Variants in ARK2N observed in about 807,000 individuals in gnomAD.
ARK2N encodes the protein protein ARK2N.
At chr18:46,175,938 A>G in the ARK2N span, among the ~76,000 whole-genome samples, 1 of 152,158 alleles carries the variant, frequency 6.6e-6, no homozygotes, top group Non-Finnish European at 1.5e-5. Context: ...TATTCACTTT[A>G]TATTTAACAT....
the ARK2N span, among the ~76,000 whole-genome samples, chr18:46,201,774 CTTTTCT>C: frequency 7.1e-6 from 1 of 140,326 alleles, no homozygotes; most frequent in African/African-American, 2.7e-5. Context: ...CTTTTCTTTT[CTTTTCT>C]TTTTTTTTTT....
the ARK2N span, among the ~76,000 whole-genome samples, chr18:46,189,343 T>C: frequency 2.0e-5 from 3 of 152,170 alleles, no homozygotes; most frequent in East Asian, 5.8e-4. Flanking sequence ...GATGTGCTTT[T>C]ATTTACACAA....
At chr18:46,245,539 C>G in the ARK2N span, among the ~76,000 whole-genome samples, 2 of 149,434 alleles carry the variant, frequency 1.3e-5, no homozygotes, top group African/African-American at 4.9e-5. Flanking sequence ...CCACCTCTCT[C>G]CAGCCTGGGT....
At chr18:46,216,260 A>G in the ARK2N span, 1 of 1,613,600 alleles carries the variant, frequency 6.2e-7, no homozygotes. This position sits in a 1 kb window ranked among gnomAD's most constrained non-coding sequence, Gnocchi z 4.3. Flanking sequence ...GTAGAAGGAG[A>G]CCCTTCAGGA....
At chr18:46,178,309 T>G in the ARK2N span, among the ~76,000 whole-genome samples, 1 of 152,186 alleles carries the variant, frequency 6.6e-6, no homozygotes, top group Admixed American at 6.5e-5. Context: ...ATTCCTTTTA[T>G]TTTTATTTAT....
chr18:46,205,151 G>A, the ARK2N span, among the ~76,000 whole-genome samples: 1 of 151,904 alleles, frequency 6.6e-6, no homozygotes, highest in African/African-American at 2.4e-5. Context: ...CAGGCAATCT[G>A]CCCGCCTCGG....
chr18:46,253,750 C>T, the ARK2N span: 9 of 1,613,168 alleles, frequency 5.6e-6, no homozygotes, highest in Non-Finnish European at 7.6e-6. Flanking sequence ...TGGCAATGCG[C>T]CACTCAATGA....
the ARK2N span, among the ~76,000 whole-genome samples, chr18:46,252,502 T>C: frequency 2.4e-4 from 36 of 152,146 alleles, no homozygotes; most frequent in Middle Eastern, 3.4e-3. Flanking sequence ...TCTTGATCTC[T>C]TGACCTTGTG....
chr18:46,215,852 T>C, the ARK2N span: 27 of 1,592,238 alleles, frequency 1.7e-5, no homozygotes, highest in South Asian at 2.3e-5. Flanking sequence ...TCCTAGACTC[T>C]ACTCCATGAT....
At chr18:46,259,312 CGGCTCACTGCAACCTCCGCCTCCTG>C in the ARK2N span, among the ~76,000 whole-genome samples, 1 of 149,256 alleles carries the variant, frequency 6.7e-6, no homozygotes, top group African/African-American at 2.5e-5. Context: ...GGCACGATCT[CGGCTCACTGCAACCTCCGCCTCCTG>C]GGTTCAAGCG....
the ARK2N span, among the ~76,000 whole-genome samples, chr18:46,190,465 GCAA>G: frequency 1.3e-5 from 1 of 79,108 alleles, no homozygotes; most frequent in African/African-American, 4.3e-5. Flanking sequence ...TCCAGCCTGG[GCAA>G]CAAGAGCGAA....
chr18:46,173,922 G>C, the ARK2N span: 1 of 152,270 alleles, frequency 6.6e-6, no homozygotes, highest in South Asian at 2.1e-4. Context: ...GGGTTCCATC[G>C]CGCCAGATGG....
At chr18:46,202,519 A>G in the ARK2N span, among the ~76,000 whole-genome samples, 1 of 152,080 alleles carries the variant, frequency 6.6e-6, no homozygotes, top group African/African-American at 2.4e-5. Flanking sequence ...ATTTGTTTGA[A>G]GAGATTGTGT....
At chr18:46,218,412 C>G in the ARK2N span, 7 of 152,206 alleles carry the variant, frequency 4.6e-5, no homozygotes, top group African/African-American at 1.7e-4. Context: ...ACATAGTTTT[C>G]TAAGGTAATC....
the ARK2N span, among the ~76,000 whole-genome samples, chr18:46,241,374 A>C: frequency 6.7e-4 from 102 of 152,270 alleles, no homozygotes; most frequent in African/African-American, 2.2e-3. Flanking sequence ...GTTTTGCCCA[A>C]CAAGTGTCTT....
chr18:46,229,194 A>G, the ARK2N span, among the ~76,000 whole-genome samples: 2 of 152,072 alleles, frequency 1.3e-5, no homozygotes, highest in African/African-American at 4.8e-5. Context: ...TTTGAAGGTA[A>G]TACATTGCTG....
chr18:46,214,294 G>A, the ARK2N span, among the ~76,000 whole-genome samples: 2,951 of 152,214 alleles, frequency 0.019, 88 homozygotes, highest in African/African-American at 0.067. Context: ...CTAGCATACC[G>A]TATAGAATAA....
At chr18:46,200,066 T>TTGTGTGTGTGTGTGTGTG in the ARK2N span, among the ~76,000 whole-genome samples, 1 of 150,086 alleles carries the variant, frequency 6.7e-6, no homozygotes, top group African/African-American at 2.5e-5. Context: ...AAATTCTTTA[T>TTGTGTGTGTGTGTGTGTG]TGTGTGTGTG....
the ARK2N span, among the ~76,000 whole-genome samples, chr18:46,251,472 C>T: frequency 6.6e-6 from 1 of 152,056 alleles, no homozygotes; most frequent in Non-Finnish European, 1.5e-5. Flanking sequence ...GGATTACAAA[C>T]CCACGCAAAC....
Sources: allele counts gnomAD v4.1 joint callset (sites outside exome capture counted in the v4.1 genomes callset), GRCh38; gene constraint gnomAD v4.1.1; non-coding constraint Gnocchi (gnomAD v3.1); transcripts MANE v1.5; gene names NCBI Gene and HGNC (gene_info 2026-07-23, HGNC 2026-07-21).